Variants in ANKFN1 observed in about 807,000 individuals in gnomAD.
The protein encoded by ANKFN1 is ankyrin repeat and fibronectin type III domain containing 1, also known as ankyrin repeat and fibronectin type-III domain-containing protein 1.
ANKFN1 carries 74 observed loss-of-function variants against 108.7 expected under a neutral mutation model. That is an observed-to-expected ratio of 0.68 (90% CI 0.56 to 0.83). The LOEUF (loss-of-function observed/expected upper bound fraction) is 0.83, where lower values mean the gene tolerates loss of function less well. Among genes scored for constraint, ANKFN1 ranks in the 40% least tolerant of loss-of-function variants. The pLI, the probability that ANKFN1 is intolerant of heterozygous loss-of-function variation, is 0.00. For missense variants in ANKFN1, 1,505 were observed against 1,382.3 expected, an observed-to-expected ratio of 1.09 and a Z score of -1.41; for synonymous variants, 547 against 516.2, an observed-to-expected ratio of 1.06 and a Z score of -0.81.
chr17:56,466,251 C>A, intron 14 of ANKFN1, 105 bp from the exon 15 acceptor site: 4 of 1,005,114 alleles, frequency 4.0e-6, no homozygotes, highest in Non-Finnish European at 4.5e-6. Context: ...AGAGAGCAAA[C>A]AGCTTCTCAG....
At chr17:56,321,291 T>A (rs978932357) in intron 3 of ANKFN1, among the ~76,000 whole-genome samples, 1 of 151,986 alleles carries the variant, frequency 6.6e-6, no homozygotes, top group Non-Finnish European at 1.5e-5. Flanking sequence ...AAGTAGCACA[T>A]TTTATTTTTA....
intron 3 of ANKFN1, among the ~76,000 whole-genome samples, chr17:56,245,340 G>T (rs1474753083): frequency 6.6e-6 from 1 of 151,912 alleles, no homozygotes; most frequent in East Asian, 1.9e-4. Context: ...TCCTTTGTTT[G>T]TTTGTTCTAA....
intron 3 of ANKFN1, among the ~76,000 whole-genome samples, chr17:56,309,463 T>C (rs1387260561): frequency 2.6e-5 from 4 of 152,166 alleles, no homozygotes; most frequent in African/African-American, 9.7e-5. Context: ...TTAATAGAGG[T>C]GCCAATTTTA....
At chr17:56,291,925 C>G (rs1180305652) in intron 3 of ANKFN1, among the ~76,000 whole-genome samples, 2 of 152,194 alleles carry the variant, frequency 1.3e-5, no homozygotes, top group African/African-American at 4.8e-5. Flanking sequence ...GGTACTTAAT[C>G]CACTAGGCTA....
At chr17:56,127,161 G>C (rs747367415) in intron 4 of ANKFN1, among the ~76,000 whole-genome samples, 1 of 152,044 alleles carries the variant, frequency 6.6e-6, no homozygotes, top group Non-Finnish European at 1.5e-5. Context: ...ACAGTGCACC[G>C]AGCACTTTGC....
intron 3 of ANKFN1, among the ~76,000 whole-genome samples, chr17:56,307,744 T>C (rs1198416778): frequency 1.3e-5 from 2 of 152,162 alleles, no homozygotes; most frequent in Non-Finnish European, 2.9e-5. Context: ...ACCCAAAGGA[T>C]TATGAATCAT....
At chr17:56,508,226 C>T (rs1446318274) in intron 20 of ANKFN1, among the ~76,000 whole-genome samples, 1 of 152,150 alleles carries the variant, frequency 6.6e-6, no homozygotes, top group Admixed American at 6.5e-5. Flanking sequence ...TAGTTGCTAT[C>T]CTAAATCATA....
At chr17:56,310,135 C>A (rs1200995148) in intron 3 of ANKFN1, among the ~76,000 whole-genome samples, 1 of 152,172 alleles carries the variant, frequency 6.6e-6, no homozygotes, top group African/African-American at 2.4e-5. Context: ...GATGGATTCA[C>A]GTCCTGGGCA....
intron 3 of ANKFN1, among the ~76,000 whole-genome samples, chr17:56,322,744 A>G (rs1284160407): frequency 6.6e-6 from 1 of 152,140 alleles, no homozygotes; most frequent in East Asian, 1.9e-4. Context: ...AACATTTTCT[A>G]TGTGTTACAG....
rs2046710448 is a variant in ANKFN1, at chr17:56,368,218, T to A, written c.602-4428T>A. 6 of 1,265,378 alleles carry A rather than the reference T, an allele frequency of 4.7e-6. No individual in the cohort carries two copies. The East Asian group carries it at 2.1e-4, about 44-fold the overall frequency. 78.4% of individuals were successfully genotyped at this position (1,265,378 alleles called of 1,614,324 possible). ...TACACAAATTACAAAAGTCTGAAAT[T>A]TTTTTATCAAGAGGTATAAAACACC... is the stretch of plus-strand genomic sequence containing the variant. On this transcript the variant is annotated intron_variant, in intron 6 of 20. Coordinates refer to ENST00000682825, the MANE Select transcript of ANKFN1 (RefSeq NM_001370326.1).
intron 1 of ANKFN1, among the ~76,000 whole-genome samples, chr17:56,199,663 A>G (rs1426406117): frequency 6.6e-6 from 1 of 152,168 alleles, no homozygotes; most frequent in African/African-American, 2.4e-5. Flanking sequence ...CACCCCATGA[A>G]CTTCATCCTC....
chr17:56,162,080 C>T (rs780672879), intron 1 of ANKFN1, among the ~76,000 whole-genome samples: 14 of 152,092 alleles, frequency 9.2e-5, no homozygotes, highest in Non-Finnish European at 1.9e-4. Context: ...ACATGTCCAC[C>T]CCACCCCCAA....
intron 4 of ANKFN1, among the ~76,000 whole-genome samples, chr17:56,344,708 G>T (rs1008765118): frequency 7.9e-5 from 12 of 152,012 alleles, no homozygotes; most frequent in African/African-American, 2.9e-4. Context: ...CCCTTCATGA[G>T]CTCTAAGTCA....
chr17:56,149,993 A>T (rs1367971222), upstream of ANKFN1, among the ~76,000 whole-genome samples: 1 of 152,088 alleles, frequency 6.6e-6, no homozygotes, highest in African/African-American at 2.4e-5. Context: ...ATTCTTTTCT[A>T]TCAGTTCACT....
intron 4 of ANKFN1, among the ~76,000 whole-genome samples, chr17:56,091,424 A>G (rs921760487): frequency 6.4e-5 from 8 of 125,356 alleles, no homozygotes; most frequent in Non-Finnish European, 1.4e-4. Context: ...CAAATCACAC[A>G]CACACACACA....
chr17:56,455,027 T>G, intron 11 of ANKFN1, among the ~76,000 whole-genome samples: 1 of 152,160 alleles, frequency 6.6e-6, no homozygotes, highest in East Asian at 1.9e-4. Flanking sequence ...CAAATCCTCC[T>G]TGTTTTTAGC....
rs773531345 is a variant in ANKFN1 at position 56,055,133 on chromosome 17, G to A, written c.288+8808G>A. On this transcript the variant is annotated intron_variant, in intron 4 of 12. Coordinates refer to the ANKFN1 transcript ENST00000635860. Reference sequence around the variant, plus strand: ...TTATTACATGGATATATTGCATACTGGTGGGGATTTGGCTTCTAATGTACC... The same window carrying A: ...TTATTACATGGATATATTGCATACTAGTGGGGATTTGGCTTCTAATGTACC... 8.6e-5 allele frequency among the ~76,000 whole-genome samples: 13 copies of A among 151,590 alleles called. No individual in the cohort carries two copies. The South Asian group carries it at 1.0e-3, about 12-fold the overall frequency.
chr17:56,342,740 C>A (rs540142390), intron 4 of ANKFN1, among the ~76,000 whole-genome samples: 1 of 151,914 alleles, frequency 6.6e-6, no homozygotes, highest in African/African-American at 2.4e-5. Context: ...GAGTAAGTAC[C>A]ATGTGGTGAT....
At chr17:56,070,891 C>A (rs938800385) in intron 4 of ANKFN1, among the ~76,000 whole-genome samples, 1 of 152,010 alleles carries the variant, frequency 6.6e-6, no homozygotes, top group Non-Finnish European at 1.5e-5. Context: ...CACACCACCA[C>A]GCCCAGCTAA....
Sources: allele counts gnomAD v4.1 joint callset (sites outside exome capture counted in the v4.1 genomes callset), GRCh38; gene constraint gnomAD v4.1.1; transcripts MANE v1.5; gene names NCBI Gene and HGNC (gene_info 2026-07-23, HGNC 2026-07-21).